Variants in PRDM16 observed in about 807,000 individuals in gnomAD.
The protein encoded by PRDM16 is histone-lysine N-methyltransferase PRDM16.
Under a neutral mutation model 110.6 loss-of-function variants are expected in PRDM16, and 23 were observed. The ratio of observed to expected loss-of-function variants is 0.21; its 90% CI spans 0.15 to 0.29. PRDM16 has a LOEUF of 0.29. Among genes scored for constraint, PRDM16 ranks in the 10% least tolerant of loss-of-function variants. The probability of loss-of-function intolerance (pLI) is 1.00; values close to 1 mark genes in which losing one functional copy is unlikely to be tolerated. For synonymous variants in PRDM16, 799 were observed against 781.8 expected, an observed-to-expected ratio of 1.02 and a Z score of -0.37; for missense variants, 1,615 against 1,794.3, an observed-to-expected ratio of 0.90 and a Z score of 1.81.
chr1:3,074,789 ACCACCCACCGCCT>A (rs376742535), intron 1 of PRDM16, among the ~76,000 whole-genome samples: 203 of 152,018 alleles, frequency 1.3e-3, no homozygotes, highest in African/African-American at 4.3e-3. Context: ...GGGAATAACC[ACCACCCACCGCCT>A]CCACCCACCG....
intron 2 of PRDM16, among the ~76,000 whole-genome samples, chr1:3,194,368 G>A (rs1297050902): frequency 2.6e-5 from 4 of 152,128 alleles, no homozygotes; most frequent in Admixed American, 1.3e-4. Context: ...AGCCCTCCTT[G>A]CTGGCCTGCT....
chr1:3,163,847 G>T (rs1643920369), intron 1 of PRDM16, among the ~76,000 whole-genome samples: 1 of 152,220 alleles, frequency 6.6e-6, no homozygotes. Context: ...CCAGCAAGGT[G>T]AGCTATCTTA....
At chr1:3,186,013 G>A in intron 1 of PRDM16, 112 bp from the exon 2 acceptor site, 2 of 897,346 alleles carry the variant, frequency 2.2e-6, no homozygotes, top group South Asian at 1.5e-5. Context: ...GGCCTTCTGG[G>A]CCCCTGAGCA....
chr1:3,381,851 A>G (rs1457858461), intron 3 of PRDM16, among the ~76,000 whole-genome samples: 12 of 152,236 alleles, frequency 7.9e-5, no homozygotes, highest in African/African-American at 2.9e-4. Flanking sequence ...AGAGACAGAC[A>G]GAGAGAAGCA....
In PRDM16 at chr1:3,212,577, T is replaced by C. The variant is rs190123185; in HGVS notation, c.387+26103T>C. 9.9e-5 allele frequency among the ~76,000 whole-genome samples: 15 copies of C among 152,154 alleles called. No homozygotes were observed. The East Asian group carries it at 2.7e-3, about 28-fold the overall frequency. On this transcript the variant is annotated intron_variant, in intron 2 of 16. Transcript: ENST00000270722. The stretch of plus-strand genomic sequence containing the variant: ...GCCTGCACCCCAGAGTCTTTGAAGG[T>C]GGAATGGAGGCCCCCGCTCATCCTC...
chr1:3,380,828 A>G (rs763101061), intron 3 of PRDM16, among the ~76,000 whole-genome samples: 1 of 152,208 alleles, frequency 6.6e-6, no homozygotes, highest in Non-Finnish European at 1.5e-5. Context: ...CAGTGACTCG[A>G]TGCATTCAAC....
intron 1 of PRDM16, among the ~76,000 whole-genome samples, chr1:3,180,867 C>T (rs535165996): frequency 6.6e-6 from 1 of 150,514 alleles, no homozygotes; most frequent in African/African-American, 2.5e-5. Flanking sequence ...TACGCACGGC[C>T]TTACACACGC....
chr1:3,100,813 G>A (rs564533929), intron 1 of PRDM16, among the ~76,000 whole-genome samples: 1 of 152,320 alleles, frequency 6.6e-6, no homozygotes, highest in Admixed American at 6.5e-5. Flanking sequence ...CAGCTGTGGG[G>A]CCATGAGAGT....
chr1:3,237,552 G>T (rs1286286762), intron 2 of PRDM16, among the ~76,000 whole-genome samples: 3 of 152,226 alleles, frequency 2.0e-5, no homozygotes, highest in Non-Finnish European at 4.4e-5. Context: ...ACTCTCCGTG[G>T]GGCAGTGTAG....
intron 2 of PRDM16, among the ~76,000 whole-genome samples, chr1:3,225,589 G>A (rs1398936748): frequency 6.8e-5 from 10 of 147,122 alleles, no homozygotes; most frequent in Non-Finnish European, 1.2e-4. Context: ...CGCGCAGAAG[G>A]AAGGAAACGC....
chr1:3,113,192 G>T (rs1340356463), intron 1 of PRDM16, among the ~76,000 whole-genome samples: 1 of 152,242 alleles, frequency 6.6e-6, no homozygotes, highest in Admixed American at 6.5e-5. Flanking sequence ...CCCGTGCTGT[G>T]CACACTGCAA....
chr1:3,093,049 G>C (rs1642313411), intron 1 of PRDM16, among the ~76,000 whole-genome samples: 1 of 152,190 alleles, frequency 6.6e-6, no homozygotes, highest in Non-Finnish European at 1.5e-5. Context: ...CATGGGGCCA[G>C]CCCTGGCTGA....
In PRDM16 at chr1:3,358,922, C is replaced by T. The variant is rs899416511; in HGVS notation, c.439-26230C>T. Among the ~76,000 whole-genome samples the T allele has an allele frequency of 5.9e-5, 9 of 152,176 alleles. No homozygotes were observed. Among genetic ancestry groups the T allele is most frequent in the Non-Finnish European group, 1.0e-4 (7 of 68,036 alleles). ...AAGCCGTGAAGATGTTCTCCATGGC[C>T]GGCTCCCATGAGGAATCAGAGGGGG... On this transcript the variant is annotated intron_variant, in intron 3 of 16. Transcript: ENST00000270722. This position sits in a 1 kb window ranked among gnomAD's most constrained non-coding sequence, Gnocchi z 4.0.
intron 3 of PRDM16, among the ~76,000 whole-genome samples, chr1:3,312,980 A>G (rs139404559): frequency 2.0e-5 from 3 of 152,266 alleles, no homozygotes; most frequent in South Asian, 2.1e-4. Flanking sequence ...TCAACTTGTG[A>G]CTTCCAGGAG....
At chr1:3,408,793 T>TGG (rs1171341451) in intron 8 of PRDM16, among the ~76,000 whole-genome samples, 1 of 104,210 alleles carries the variant, frequency 9.6e-6, no homozygotes, top group Non-Finnish European at 1.8e-5. Flanking sequence ...CGTGAGCCGG[T>TGG]GCGTGTGTGT....
chr1:3,338,976 T>C (rs1642216467), intron 3 of PRDM16, among the ~76,000 whole-genome samples: 1 of 152,126 alleles, frequency 6.6e-6, no homozygotes, highest in Non-Finnish European at 1.5e-5. Context: ...AAGAAGCCCG[T>C]TGTGACAGTG....
intron 1 of PRDM16, among the ~76,000 whole-genome samples, chr1:3,132,756 T>C (rs1316132314): frequency 1.3e-5 from 2 of 152,212 alleles, no homozygotes; most frequent in African/African-American, 2.4e-5. Flanking sequence ...GTGACCCTTA[T>C]TTGGTTCAGC....
rs1351680927 is a variant in PRDM16, at chr1:3,299,340, T to TGAA, written c.438+55206_438+55208dup. Among the ~76,000 whole-genome samples the TGAA allele has an allele frequency of 3.1e-5, 3 of 97,068 alleles. 1 individual carries two copies. The highest frequency in any genetic ancestry group is 9.2e-5 in the African/African-American group (3 of 32,768). The allele number at this position is 97,068 out of a possible 152,430, so 63.7% of individuals were successfully genotyped here. A position where few individuals can be genotyped will look rare whatever the true frequency, so the allele number is the denominator to read the frequency against. On this transcript the variant is annotated intron_variant, in intron 3 of 16. Coordinates refer to ENST00000270722, the MANE Select transcript of PRDM16 (RefSeq NM_022114.4). ...CCAGTCGTGGTGACTCTGCCCTTGT[T>TGAA]GAAGATGCTATGCTGTGGCTGTGAT...
chr1:3,181,149 C>T lies in PRDM16; in HGVS notation c.38-4976C>T, dbSNP rs954575626. 4.7e-4 allele frequency among the ~76,000 whole-genome samples: 64 copies of T among 135,834 alleles called. No homozygotes were observed. In the South Asian group the frequency reaches 0.014, roughly 29 times the overall value. 89.1% of individuals were successfully genotyped at this position (135,834 alleles called of 152,430 possible). A position where few individuals can be genotyped will look rare whatever the true frequency, so the allele number is the denominator to read the frequency against. ...GCAGTCTTACACGCGGTCTTACACA[C>T]GCAGTCTTACACGCGGTCTTACGGT... On this transcript the variant is annotated intron_variant, in intron 1 of 16. Coordinates refer to ENST00000270722, the MANE Select transcript of PRDM16 (RefSeq NM_022114.4).
Sources: allele counts gnomAD v4.1 joint callset (sites outside exome capture counted in the v4.1 genomes callset), GRCh38; gene constraint gnomAD v4.1.1; non-coding constraint Gnocchi (gnomAD v3.1); transcripts MANE v1.5; gene names NCBI Gene and HGNC (gene_info 2026-07-23, HGNC 2026-07-21).